Variants in GLYR1 observed in about 807,000 individuals in gnomAD.
The protein encoded by GLYR1 is cytokine-like nuclear factor N-PAC.
Under a neutral mutation model 72.7 loss-of-function variants are expected in GLYR1, and 21 were observed. The ratio of observed to expected loss-of-function variants is 0.29; its 90% CI spans 0.20 to 0.42. The LOEUF is 0.42. GLYR1 is among the 10% of genes least tolerant of loss of function. The pLI is 1.00. For synonymous variants in GLYR1, 392 were observed against 270.2 expected (o/e 1.45, Z -4.42); for missense variants, 594 against 712.1 (o/e 0.83, Z 1.89).
chr16:4,819,408 A>G (rs1747348088), intron 9 of GLYR1, among the ~76,000 whole-genome samples: 1 of 152,132 alleles, frequency 6.6e-6, no homozygotes, highest in Non-Finnish European at 1.5e-5. Flanking sequence ...CCTGGGCTCA[A>G]GTGATCCTTC....
chr16:4,819,592 T>A (rs538481402), intron 9 of GLYR1, among the ~76,000 whole-genome samples: 1 of 152,194 alleles, frequency 6.6e-6, no homozygotes, highest in Non-Finnish European at 1.5e-5. Context: ...ATTACAAGGA[T>A]GAGCTACTGC....
At chr16:4,821,271 A>T (rs912855948) in intron 9 of GLYR1, 109 bp downstream of exon 9, 2 of 1,070,678 alleles carry the variant, frequency 1.9e-6, no homozygotes, top group African/African-American at 1.6e-5. Context: ...TTTCCATTCA[A>T]TGCCAGCAAT....
chr16:4,836,964 C>T (rs1018138133), intron 3 of GLYR1, among the ~76,000 whole-genome samples: 2 of 152,160 alleles, frequency 1.3e-5, no homozygotes, highest in African/African-American at 4.8e-5. Context: ...GGCATAACTG[C>T]ACCTGTAACA....
chr16:4,809,027 T>A (rs1357147085), intron 15 of GLYR1, among the ~76,000 whole-genome samples: 2 of 151,818 alleles, frequency 1.3e-5, no homozygotes, highest in Non-Finnish European at 2.9e-5. Flanking sequence ...CTAATAGACA[T>A]GCTAATTAAA....
intron 4 of GLYR1, 133 bp downstream of exon 4, chr16:4,832,641 A>C (rs1294211828): frequency 1.5e-5 from 16 of 1,082,278 alleles, no homozygotes; most frequent in Non-Finnish European, 1.9e-5. Flanking sequence ...CTGACACCTT[A>C]GAACTGAAGT....
chr16:4,827,201 TG>T (rs1213223657), intron 5 of GLYR1, among the ~76,000 whole-genome samples: 1 of 152,270 alleles, frequency 6.6e-6, no homozygotes, highest in Non-Finnish European at 1.5e-5. Context: ...AGCTGGGCTT[TG>T]CCCAGTTATC....
rs201018368 is a variant in GLYR1, at chr16:4,812,234, C to A, written c.1134G>T (p.Arg378Ser). 48 of 1,613,232 alleles carry A rather than the reference C, an allele frequency of 3.0e-5. No individual in the cohort carries two copies. The highest frequency in any genetic ancestry group is 3.3e-4 in the Middle Eastern group (2 of 6,054). Residue 378 changes from arginine to serine, a missense_variant, in exon 13 of 16, where the codon AGG becomes AGT. By Grantham distance (110) the Arg-to-Ser change is moderately radical (BLOSUM62 -1). Coordinates refer to ENST00000321919, the MANE Select transcript of GLYR1 (RefSeq NM_032569.4). ...VTELAQVIVS[R>S]GGRFLEAPVS... ...CGGGGGCTTCCAGAAAGCGCCCCCCCCTGGACACAATCACCTGGAAAGAAA... is the reference window on the plus strand; with the variant it reads ...CGGGGGCTTCCAGAAAGCGCCCCCCACTGGACACAATCACCTGGAAAGAAA...
intron 9 of GLYR1, 43 bp downstream of exon 9, chr16:4,821,337 G>C: frequency 6.2e-7 from 1 of 1,602,236 alleles, no homozygotes; most frequent in Non-Finnish European, 8.5e-7. Context: ...CCCACCCTCA[G>C]CAGAACCAGA....
rs143745720 is a variant in GLYR1 at position 4,807,332 on chromosome 16, C to T, written c.1588-2022G>A. Among the ~76,000 whole-genome samples, 1,110 of 151,678 alleles carry T rather than the reference C, an allele frequency of 7.3e-3. 16 individuals carry two copies. The highest frequency in any genetic ancestry group is 0.025 in the African/African-American group (1,035 of 41,326). On this transcript the variant is annotated intron_variant, in intron 15 of 15. Coordinates refer to ENST00000321919, the MANE Select transcript of GLYR1 (RefSeq NM_032569.4). ...TTCACTATATTGGCCAGGCTGATCT[C>T]GAACTCCTGACCTCAGGTGATCTGC... is the stretch of plus-strand genomic sequence containing the variant.
intron 10 of GLYR1, among the ~76,000 whole-genome samples, chr16:4,815,492 C>A (rs966364754): frequency 1.3e-5 from 2 of 152,164 alleles, no homozygotes; most frequent in African/African-American, 4.8e-5. Context: ...TGACACTTAG[C>A]CCACTTTCAA....
At chr16:4,811,953 T>C in intron 13 of GLYR1, 133 bp downstream of exon 13, 1 of 1,423,788 alleles carries the variant, frequency 7.0e-7, no homozygotes, top group Non-Finnish European at 9.5e-7. Context: ...TTCCACGCAC[T>C]GACTATGCAG....
chr16:4,822,872 C>T lies in GLYR1; in HGVS notation c.681+3G>A, dbSNP rs750493084. On this transcript the variant is annotated splice_donor_region_variant and intron_variant, in intron 7 of 15. Coordinates refer to ENST00000321919, the MANE Select transcript of GLYR1 (RefSeq NM_032569.4). Reference sequence around the variant, plus strand: ...AGGGCCAAGAGCCTCAAAGGCAACTCACCTTCTCTGTTTGGCTTAGCAGGA... The same window carrying T: ...AGGGCCAAGAGCCTCAAAGGCAACTTACCTTCTCTGTTTGGCTTAGCAGGA... 3.4e-5 allele frequency: 55 copies of T among 1,613,792 alleles called. No homozygotes were observed. The East Asian group carries it at 1.1e-3, about 33-fold the overall frequency.
intron 6 of GLYR1, 54 bp from the exon 7 acceptor site, chr16:4,822,985 T>G: frequency 6.9e-7 from 1 of 1,453,518 alleles, no homozygotes; most frequent in Non-Finnish European, 9.7e-7. Flanking sequence ...AAAGGTCACT[T>G]CCTTCTCCCT....
At chr16:4,843,619 A>G (rs2085723006) in intron 3 of GLYR1, 7 of 1,289,052 alleles carry the variant, frequency 5.4e-6, no homozygotes, top group African/African-American at 1.5e-5. Flanking sequence ...ACATGAAACC[A>G]GGAAGAGCAT....
chr16:4,821,768 C>T (rs2084040927), intron 7 of GLYR1, 171 bp from the exon 8 acceptor site: 1 of 642,614 alleles, frequency 1.6e-6, no homozygotes, highest in Non-Finnish European at 2.8e-6. Flanking sequence ...TTACCTCATT[C>T]AAGTCCCCAT....
intron 3 of GLYR1, among the ~76,000 whole-genome samples, chr16:4,836,645 C>T (rs143665544): frequency 6.6e-6 from 1 of 152,166 alleles, no homozygotes. Flanking sequence ...ATGTTATGTG[C>T]TACCACTCGT....
chr16:4,838,761 G>T (rs952596623), intron 3 of GLYR1, among the ~76,000 whole-genome samples: 1 of 151,934 alleles, frequency 6.6e-6, no homozygotes, highest in African/African-American at 2.4e-5. Context: ...TAATTTTTTT[G>T]TATTTTTAGG....
chr16:4,805,421 G>A, intron 15 of GLYR1, 111 bp from the exon 16 acceptor site: 2 of 872,558 alleles, frequency 2.3e-6, no homozygotes, highest in Middle Eastern at 2.2e-4. Flanking sequence ...CTGGAGCCCA[G>A]GCTGTCCGGT....
chr16:4,812,256 G>C lies in GLYR1; in HGVS notation c.1120-8C>G. ...CCCCCTGGACACAATCACCTGGAAA[G>C]AAAAGTCACAGCTTCTGGAGGCCTC... On this transcript the variant is annotated splice_region_variant and splice_polypyrimidine_tract_variant and intron_variant, in intron 12 of 15. Coordinates refer to ENST00000321919, the MANE Select transcript of GLYR1 (RefSeq NM_032569.4). 6.2e-7 allele frequency: 1 copy of C among 1,610,710 alleles called. No individual in the cohort carries two copies. Among genetic ancestry groups the C allele is most frequent in the Non-Finnish European group, 8.5e-7 (1 of 1,179,254 alleles).
Sources: gnomAD v4.1 joint callset for allele counts (sites outside exome capture counted in the v4.1 genomes callset) on GRCh38, gnomAD v4.1.1 for gene constraint, MANE v1.5 for transcripts, NCBI Gene and HGNC (gene_info 2026-07-23, HGNC 2026-07-21) for gene names.